Variants in PIK3R1 observed in about 807,000 individuals in gnomAD.
PIK3R1 encodes phosphatidylinositol 3-kinase regulatory subunit alpha.
In PIK3R1, 29 loss-of-function variants were observed where a neutral mutation model predicts 98.0. The ratio of observed to expected loss-of-function variants is 0.30; its 90% CI spans 0.22 to 0.40. The LOEUF (loss-of-function observed/expected upper bound fraction) is 0.40, where lower values mean the gene tolerates loss of function less well. Among genes scored for constraint, PIK3R1 ranks in the 10% least tolerant of loss-of-function variants. PIK3R1 has a pLI of 1.00. For synonymous variants in PIK3R1, 282 were observed against 311.8 expected (o/e 0.90, Z 1.01); for missense variants, 596 against 872.7 (o/e 0.68, Z 3.99).
chr5:68,246,442 A>G (rs1745090512), intron 2 of PIK3R1, among the ~76,000 whole-genome samples: 1 of 151,260 alleles, frequency 6.6e-6, no homozygotes, highest in South Asian at 2.1e-4. Flanking sequence ...CCCCCCAGGT[A>G]GCTGAGATTA....
chr5:68,281,287 G>A (rs1347842359), intron 7 of PIK3R1, among the ~76,000 whole-genome samples: 2 of 152,186 alleles, frequency 1.3e-5, no homozygotes, highest in African/African-American at 4.8e-5. Context: ...GGTTGTTGAA[G>A]AGATTTATGG....
At chr5:68,277,086 G>A (rs558842789) in intron 4 of PIK3R1, among the ~76,000 whole-genome samples, 8 of 152,272 alleles carry the variant, frequency 5.3e-5, no homozygotes, top group South Asian at 4.1e-4. Context: ...TTATCTTAAC[G>A]TTTATACTGC....
intron 2 of PIK3R1, among the ~76,000 whole-genome samples, chr5:68,233,311 G>T (rs942685919): frequency 6.6e-6 from 1 of 152,240 alleles, no homozygotes; most frequent in Admixed American, 6.5e-5. Context: ...TGTAGCACTG[G>T]TCTGAAGTCT....
chr5:68,221,722 A>C (rs2088171477), intron 1 of PIK3R1, among the ~76,000 whole-genome samples: 1 of 152,232 alleles, frequency 6.6e-6, no homozygotes, highest in African/African-American at 2.4e-5. Flanking sequence ...GGTTACACAG[A>C]AAATCTACTT....
chr5:68,243,714 C>G (rs1300579793), intron 2 of PIK3R1, among the ~76,000 whole-genome samples: 1 of 152,198 alleles, frequency 6.6e-6, no homozygotes, highest in Non-Finnish European at 1.5e-5. Flanking sequence ...AGGGCTTCAG[C>G]ATAAAGCAGC....
intron 2 of PIK3R1, among the ~76,000 whole-genome samples, chr5:68,250,275 G>T (rs983931088): frequency 6.6e-6 from 1 of 152,170 alleles, no homozygotes; most frequent in Non-Finnish European, 1.5e-5. Context: ...CGGGACAGGG[G>T]GTCCTAGAGA....
intron 2 of PIK3R1, among the ~76,000 whole-genome samples, chr5:68,265,638 C>T (rs1746092794): frequency 6.6e-6 from 1 of 152,104 alleles, no homozygotes; most frequent in South Asian, 2.1e-4. Flanking sequence ...CCCAAAGGCC[C>T]ATCTCCAAAT....
At chr5:68,288,965 A>T (rs776501941) in intron 7 of PIK3R1, among the ~76,000 whole-genome samples, 1 of 152,088 alleles carries the variant, frequency 6.6e-6, no homozygotes, top group Non-Finnish European at 1.5e-5. Flanking sequence ...GAAGGTACTA[A>T]TTACAACGTG....
At chr5:68,254,180 A>T (rs1045691766) in intron 2 of PIK3R1, among the ~76,000 whole-genome samples, 17 of 152,244 alleles carry the variant, frequency 1.1e-4, no homozygotes, top group African/African-American at 3.6e-4. Context: ...GCAGTTGCCA[A>T]ATACAAAGAT....
intron 1 of PIK3R1, among the ~76,000 whole-genome samples, chr5:68,225,625 C>T (rs1023193608): frequency 2.6e-5 from 4 of 152,202 alleles, no homozygotes; most frequent in Non-Finnish European, 5.9e-5. Flanking sequence ...CTTGGCCAGA[C>T]CTCTGCAACA....
Position 68,301,761 on chromosome 5 carries a change from A to C in PIK3R1, c.*4160A>C, listed in dbSNP as rs1748118606. On this transcript the variant is annotated 3_prime_UTR_variant, in exon 16 of 16. Coordinates refer to ENST00000521381, the MANE Select transcript of PIK3R1 (RefSeq NM_181523.3). The stretch of plus-strand genomic sequence containing the variant: ...ATTCAATGGAGCTATGTCTTGTTTT[A>C]AGTTGCTTTAATGCATTGTATTAGA... 5.9e-6 allele frequency: 1 copy of C among 169,292 alleles called. No homozygotes were observed. Among genetic ancestry groups the C allele is most frequent in the Admixed American group, 6.4e-5 (1 of 15,588 alleles). 10.5% of individuals were successfully genotyped at this position (169,292 alleles called of 1,614,324 possible).
In PIK3R1 at chr5:68,280,598, G is replaced by A. The variant is rs1746794241; in HGVS notation, c.705G>A (p.Gln235=). The part of the protein sequence containing the change: ...KLIRSPSIPH[Q]YWLTLQYLLK... The stretch of plus-strand genomic sequence containing the variant: ...TTAGGTCGCCTAGCATACCTCATCA[G>A]TATTGGCTTACGCTTCAGTATTTGT... Residue 235 remains glutamine, a synonymous_variant, in exon 6 of 16, where the codon CAG becomes CAA. Coordinates refer to ENST00000521381, the MANE Select transcript of PIK3R1 (RefSeq NM_181523.3). The A allele has an allele frequency of 6.2e-7, 1 of 1,613,226 alleles. No individual in the cohort carries two copies. Among genetic ancestry groups the A allele is most frequent in the Non-Finnish European group, 8.5e-7 (1 of 1,179,516 alleles).
intron 2 of PIK3R1, among the ~76,000 whole-genome samples, chr5:68,242,514 A>G (rs995976327): frequency 6.6e-6 from 1 of 152,206 alleles, no homozygotes; most frequent in African/African-American, 2.4e-5. Context: ...TTCCATGGGT[A>G]GATAGGAACT....
chr5:68,295,057 T>C, intron 12 of PIK3R1, 91 bp from the exon 13 acceptor site: 1 of 1,037,392 alleles, frequency 9.6e-7, no homozygotes, highest in South Asian at 2.4e-5. Flanking sequence ...TAAGGAAAAC[T>C]GCTGGGAAAC....
At chr5:68,228,254 C>T (rs1318673382) in intron 2 of PIK3R1, among the ~76,000 whole-genome samples, 2 of 152,040 alleles carry the variant, frequency 1.3e-5, no homozygotes, top group Non-Finnish European at 2.9e-5. Context: ...GTGAATAAGA[C>T]AATGAGAACA....
intron 2 of PIK3R1, among the ~76,000 whole-genome samples, chr5:68,264,887 T>C (rs1746059767): frequency 6.6e-6 from 1 of 152,164 alleles, no homozygotes; most frequent in Non-Finnish European, 1.5e-5. Flanking sequence ...TAATTCGTTG[T>C]GGTATCAGAC....
At chr5:68,227,486 C>T (rs1175608921) in intron 2 of PIK3R1, among the ~76,000 whole-genome samples, 1 of 152,104 alleles carries the variant, frequency 6.6e-6, no homozygotes, top group African/African-American at 2.4e-5. Context: ...ATGAAATCTA[C>T]AACACTTCTG....
At chr5:68,279,481 C>T in intron 4 of PIK3R1, 121 bp from the exon 5 acceptor site, 2 of 736,712 alleles carry the variant, frequency 2.7e-6, no homozygotes, top group South Asian at 1.9e-5. Flanking sequence ...TATTTATCCT[C>T]ATATTGCTTC....
chr5:68,287,873 G>A (rs1747143989), intron 7 of PIK3R1, among the ~76,000 whole-genome samples: 1 of 152,074 alleles, frequency 6.6e-6, no homozygotes, highest in Non-Finnish European at 1.5e-5. Context: ...TTTAATATTC[G>A]TCCGAGGATG....
Sources: gnomAD v4.1 joint callset for allele counts (sites outside exome capture counted in the v4.1 genomes callset) on GRCh38, gnomAD v4.1.1 for gene constraint, MANE v1.5 for transcripts, NCBI Gene and HGNC (gene_info 2026-07-23, HGNC 2026-07-21) for gene names.